Variants in ASXL1 observed in about 807,000 individuals in gnomAD.
ASXL1 encodes polycomb group protein ASXL1.
ASXL1 carries 65 observed loss-of-function variants against 89.1 expected under a neutral mutation model. The ratio of observed to expected loss-of-function variants is 0.73; its 90% CI spans 0.60 to 0.90. The LOEUF (loss-of-function observed/expected upper bound fraction) is 0.90, where lower values mean the gene tolerates loss of function less well. Ranked by LOEUF, ASXL1 falls within the 40% of genes least tolerant of loss-of-function variation. The pLI is 0.00. For synonymous variants in ASXL1, 739 were observed against 746.9 expected, an observed-to-expected ratio of 0.99 and a Z score of 0.17; for missense variants, 1,786 against 1,942.9, an observed-to-expected ratio of 0.92 and a Z score of 1.52.
At chr20:32,412,593 A>C (rs1432596315) in intron 4 of ASXL1, among the ~76,000 whole-genome samples, 1 of 137,008 alleles carries the variant, frequency 7.3e-6, no homozygotes, top group Non-Finnish European at 1.6e-5. Context: ...AAAAGAAATA[A>C]ATTTTTTTTT....
At chr20:32,387,243 C>CAG (rs1367513272) in intron 4 of ASXL1, among the ~76,000 whole-genome samples, 3 of 152,082 alleles carry the variant, frequency 2.0e-5, no homozygotes, top group African/African-American at 7.2e-5. Flanking sequence ...AGACAGGTTT[C>CAG]AGTGAGCCGA....
At chr20:32,376,812 A>G (rs2048386496) in intron 4 of ASXL1, among the ~76,000 whole-genome samples, 1 of 114,900 alleles carries the variant, frequency 8.7e-6, no homozygotes, top group Non-Finnish European at 1.9e-5. Context: ...TATATAATGT[A>G]TTTTATATAT....
rs2011899132 is a variant in ASXL1 at position 32,436,547 on chromosome 20, G to A, written c.3835G>A (p.Val1279Met). Reference sequence around the variant, plus strand: ...AACACCTCGTTTCTCATCTCCAAATGTGATCTCCTTTGGTCCAGAGCAGAC... The same window carrying A: ...AACACCTCGTTTCTCATCTCCAAATATGATCTCCTTTGGTCCAGAGCAGAC... ...SRTPRFSSPN[V>M]ISFGPEQTGR... The change falls in exon 13 of 13, where the codon GTG becomes ATG. Residue 1279 changes from valine to methionine, a missense_variant. By Grantham distance (21) the Val-to-Met change is conservative. Around this residue, in one of 3 missense-constraint regions of ASXL1, gnomAD observed 1,418 missense variants for 1,427.8 expected, o/e 0.99. Coordinates refer to ENST00000375687, the MANE Select transcript of ASXL1 (RefSeq NM_015338.6). The A allele has an allele frequency of 1.2e-6, 2 of 1,614,202 alleles. No individual in the cohort carries two copies. Among genetic ancestry groups the A allele is most frequent in the African/African-American group, 1.3e-5 (1 of 75,040 alleles).
intron 11 of ASXL1, 37 bp from the exon 12 acceptor site, chr20:32,433,247 C>T (rs2011581965): frequency 6.2e-7 from 1 of 1,613,868 alleles, no homozygotes. Flanking sequence ...CATGTCCACT[C>T]TGGCCTGAAA....
At chr20:32,423,401 T>TTG (rs57819684) in intron 4 of ASXL1, among the ~76,000 whole-genome samples, 46,250 of 150,914 alleles carry the variant, frequency 0.31, 8,772 homozygotes, top group East Asian at 0.66. Flanking sequence ...AGCTAATTTT[T>TTG]TGTGTGTGTG....
At position 32,436,581 on chromosome 20, in the gene ASXL1, C is replaced by T. The variant is rs779080154; in HGVS notation, c.3869C>T (p.Ala1290Val). 21 of 1,614,070 alleles carry T rather than the reference C, an allele frequency of 1.3e-5. No homozygotes were observed. Among genetic ancestry groups the T allele is most frequent in the Non-Finnish European group, 1.7e-5 (20 of 1,180,044 alleles). Reference sequence around the variant, plus strand: ...TTTGGTCCAGAGCAGACAGGTCGGGCCCTGGGTGATCAGAGCAATGTTACA... The same window carrying T: ...TTTGGTCCAGAGCAGACAGGTCGGGTCCTGGGTGATCAGAGCAATGTTACA... ...ISFGPEQTGR[A>V]LGDQSNVTGQ... The change falls in exon 13 of 13, where the codon GCC (alanine) becomes GTC (valine). Residue 1290 changes from alanine (A) to valine (V), a missense_variant. Transcript: ENST00000375687.
At chr20:32,367,892 C>T (rs779569382) in intron 3 of ASXL1, among the ~76,000 whole-genome samples, 163 bp downstream of exon 3, 2 of 152,164 alleles carry the variant, frequency 1.3e-5, no homozygotes, top group East Asian at 3.8e-4. Context: ...AAGAGCTGTG[C>T]CAGCATGCTG....
chr20:32,368,961 T>C, intron 3 of ASXL1, 54 bp from the exon 4 acceptor site: 1 of 1,480,552 alleles, frequency 6.8e-7, no homozygotes, highest in South Asian at 1.1e-5. Flanking sequence ...GATTAGGTCT[T>C]TAAGTAGGCA....
rs28364785 is a variant in ASXL1, at chr20:32,434,671, G to T, written c.1959G>T (p.Gly653=). 2.5e-6 allele frequency: 4 copies of T among 1,602,460 alleles called. No individual in the cohort carries two copies. In the East Asian group the frequency reaches 9.1e-5, roughly 36 times the overall value. The change falls in exon 13 of 13, where the codon GGG becomes GGT. Residue 653 remains glycine, a synonymous_variant. Transcript: ENST00000375687. ...GTGGCCCGGGTGGAGGTGGCGGCGG[G>T]GCCACCGATGAGGGAGGTGGCAGAG... ...GGGGPGGGGG[G]ATDEGGGRGS...
chr20:32,402,616 A>G (rs1214165861), intron 4 of ASXL1, among the ~76,000 whole-genome samples: 2 of 152,158 alleles, frequency 1.3e-5, no homozygotes, highest in Non-Finnish European at 2.9e-5. Flanking sequence ...TTTTATTAGC[A>G]CTTTAGTATT....
At chr20:32,389,981 C>T (rs568794900) in intron 4 of ASXL1, among the ~76,000 whole-genome samples, 98 of 152,298 alleles carry the variant, frequency 6.4e-4, no homozygotes, top group Non-Finnish European at 1.0e-3. Context: ...TAAATATATG[C>T]CATATATGGC....
chr20:32,372,756 G>A (rs2048319471), intron 4 of ASXL1, among the ~76,000 whole-genome samples: 1 of 151,458 alleles, frequency 6.6e-6, no homozygotes, highest in African/African-American at 2.4e-5. Flanking sequence ...CACCATACCT[G>A]GCCAATTTTT....
Position 32,435,143 on chromosome 20 carries a change from A to G in ASXL1, c.2431A>G (p.Asn811Asp), listed in dbSNP as rs752916428. ...EEQGPTVPAD[N>D]GPIPSLVGDD... ...GCAAGGACCCACCGTTCCTGCAGAC[A>G]ATGGTCCCATTCCGTCTCTAGTGGG... Residue 811 changes from asparagine to aspartate, a missense_variant, in exon 13 of 13, where the codon AAT (asparagine) becomes GAT (aspartate). By Grantham distance (23) the Asn-to-Asp change is conservative. Coordinates refer to ENST00000375687, the MANE Select transcript of ASXL1 (RefSeq NM_015338.6). 3.1e-6 allele frequency: 5 copies of G among 1,613,824 alleles called. No homozygotes were observed. Among genetic ancestry groups the G allele is most frequent in the African/African-American group, 1.3e-5 (1 of 74,922 alleles).
chr20:32,427,857 G>A, intron 4 of ASXL1: 1 of 425,620 alleles, frequency 2.3e-6, no homozygotes, highest in African/African-American at 2.0e-5. Context: ...CTGCTCCTTA[G>A]CACTCCACCC....
chr20:32,430,785 T>A, intron 8 of ASXL1: 1 of 328,292 alleles, frequency 3.0e-6, no homozygotes, highest in South Asian at 4.5e-5. Context: ...AGGTCTCTAG[T>A]CCTAGTGAGT....
chr20:32,388,573 A>G (rs1352143097), intron 4 of ASXL1, among the ~76,000 whole-genome samples: 1 of 152,226 alleles, frequency 6.6e-6, no homozygotes, highest in African/African-American at 2.4e-5. Context: ...CCAGTGCTCA[A>G]GCATCCTTGC....
At position 32,358,698 on chromosome 20, in the gene ASXL1, CCCCAGCCCCGCGCCACCGCCCCAGCCCG is replaced by C; in HGVS notation, c.-69_-42del. 1.2e-6 allele frequency: 1 copy of C among 850,336 alleles called. No individual in the cohort carries two copies. Among genetic ancestry groups the C allele is most frequent in the Non-Finnish European group, 1.6e-6 (1 of 633,068 alleles). 52.7% of individuals were successfully genotyped at this position (850,336 alleles called of 1,614,324 possible). On this transcript the variant is annotated 5_prime_UTR_variant, in exon 1 of 13. Transcript: ENST00000375687. ...CGCGCCCCCCCCACCGCCGCCGCCG[CCCCAGCCCCGCGCCACCGCCCCAGCCCG>C]CCCAGCCCGGAGGTCCCGCGTGGAG...
At chr20:32,386,408 AGT>A (rs1200952198) in intron 4 of ASXL1, among the ~76,000 whole-genome samples, 2 of 151,792 alleles carry the variant, frequency 1.3e-5, no homozygotes, top group Non-Finnish European at 2.9e-5. Context: ...AAAAGAAAAC[AGT>A]CATATTTGGG....
intron 11 of ASXL1, 66 bp downstream of exon 11, chr20:32,433,051 A>AATAGC (rs1282018984): frequency 2.5e-6 from 4 of 1,596,474 alleles, no homozygotes; most frequent in Non-Finnish European, 3.4e-6. Flanking sequence ...ATGGTCTCAA[A>AATAGC]ATAGCATATA....
Sources: gnomAD v4.1 joint callset for allele counts (sites outside exome capture counted in the v4.1 genomes callset) on GRCh38, gnomAD v4.1.1 for gene constraint, gnomAD v4.1.1 regional missense constraint, MANE v1.5 for transcripts, NCBI Gene and HGNC (gene_info 2026-07-23, HGNC 2026-07-21) for gene names.